Variants in ADAMTS16 observed in about 807,000 individuals in gnomAD.
The protein encoded by ADAMTS16 is A disintegrin and metalloproteinase with thrombospondin motifs 16.
ADAMTS16 carries 94 observed loss-of-function variants against 145.8 expected under a neutral mutation model. That is an observed-to-expected ratio of 0.64 (90% CI 0.55 to 0.77). The LOEUF (loss-of-function observed/expected upper bound fraction) is 0.77. ADAMTS16 is among the 30% of genes least tolerant of loss of function. ADAMTS16 has a pLI of 0.00. For synonymous variants in ADAMTS16, 659 were observed against 604.3 expected (o/e 1.09, Z -1.33); for missense variants, 1,585 against 1,591.5 (o/e 1.00, Z 0.07).
In ADAMTS16 at chr5:5,291,212, G is replaced by A. The variant is rs1040647577; in HGVS notation, c.2790-12056G>A. On this transcript the variant is annotated intron_variant, in intron 18 of 22. Transcript: ENST00000274181. ...GTCTCTGTGATTTTTTTTTTAATTCGTATTTACCAGTCAGGTCTTTGTTGA... is the reference window on the plus strand; with the variant it reads ...GTCTCTGTGATTTTTTTTTTAATTCATATTTACCAGTCAGGTCTTTGTTGA... Among the ~76,000 whole-genome samples, 6 of 151,402 alleles carry A rather than the reference G, an allele frequency of 4.0e-5. No individual in the cohort carries two copies. In the East Asian group the frequency reaches 5.8e-4, roughly 15 times the overall value.
At chr5:5,259,667 G>C (rs534963912) in intron 17 of ADAMTS16, among the ~76,000 whole-genome samples, 1 of 152,340 alleles carries the variant, frequency 6.6e-6, no homozygotes, top group African/African-American at 2.4e-5. Flanking sequence ...CATCAATTGA[G>C]TATTCATCTC....
At chr5:5,240,447 A>G (rs951070717) in intron 16 of ADAMTS16, among the ~76,000 whole-genome samples, 1 of 152,246 alleles carries the variant, frequency 6.6e-6, no homozygotes, top group African/African-American at 2.4e-5. Flanking sequence ...CTGTTTACTC[A>G]TGAATGCAGA....
At chr5:5,217,319 A>G (rs1736465112) in intron 10 of ADAMTS16, among the ~76,000 whole-genome samples, 1 of 151,988 alleles carries the variant, frequency 6.6e-6, no homozygotes, top group Non-Finnish European at 1.5e-5. Flanking sequence ...AAACACCAAA[A>G]GCAATGGCAA....
chr5:5,203,779 C>T (rs1246610977), intron 9 of ADAMTS16, among the ~76,000 whole-genome samples: 1 of 152,128 alleles, frequency 6.6e-6, no homozygotes, highest in Non-Finnish European at 1.5e-5. Context: ...TCATGCCCTG[C>T]AGATCAGTGA....
At chr5:5,183,224 G>A (rs1485250063) in intron 4 of ADAMTS16, among the ~76,000 whole-genome samples, 1 of 152,188 alleles carries the variant, frequency 6.6e-6, no homozygotes, top group Admixed American at 6.5e-5. Context: ...GAACTTAGTG[G>A]GCTCAGGTGC....
chr5:5,172,965 T>C (rs1735085891), intron 3 of ADAMTS16, among the ~76,000 whole-genome samples: 1 of 152,182 alleles, frequency 6.6e-6, no homozygotes, highest in Non-Finnish European at 1.5e-5. Flanking sequence ...CCCTCATCAA[T>C]ATATAATGAC....
intron 4 of ADAMTS16, among the ~76,000 whole-genome samples, chr5:5,183,066 G>T (rs1026569827): frequency 6.6e-6 from 1 of 152,180 alleles, no homozygotes; most frequent in Non-Finnish European, 1.5e-5. Flanking sequence ...CGTTGAATGA[G>T]TGAACGAACA....
At chr5:5,205,262 C>CA (rs1736066969) in intron 9 of ADAMTS16, among the ~76,000 whole-genome samples, 2 of 150,370 alleles carry the variant, frequency 1.3e-5, no homozygotes, top group Middle Eastern at 6.9e-3. Context: ...TTAATGGAAT[C>CA]CAAATTATTA....
At chr5:5,151,524 C>T (rs1397342807) in intron 3 of ADAMTS16, among the ~76,000 whole-genome samples, 1 of 152,104 alleles carries the variant, frequency 6.6e-6, no homozygotes, top group Non-Finnish European at 1.5e-5. Flanking sequence ...AGGTGTGAAC[C>T]ACTGTACCTG....
At chr5:5,299,363 C>T (rs1305918590) in intron 18 of ADAMTS16, among the ~76,000 whole-genome samples, 1 of 149,812 alleles carries the variant, frequency 6.7e-6, no homozygotes, top group Non-Finnish European at 1.5e-5. Flanking sequence ...CAGCTCGGGC[C>T]CAGACCAGGG....
chr5:5,279,422 A>G (rs1204686094), intron 18 of ADAMTS16, among the ~76,000 whole-genome samples: 5 of 151,362 alleles, frequency 3.3e-5, no homozygotes, highest in Admixed American at 1.3e-4. Context: ...TCTTTTTTTC[A>G]TTTTCCTCTC....
rs1735665996 is a variant in ADAMTS16, at chr5:5,191,692, A to G, written c.1215A>G (p.Ala405=). ...GATCTTTGTCCTTCACAGGATTTGC[A>G]CCCATAAGTGGAATGTGTAGTAAAT... ...KNEPCDTLGF[A]PISGMCSKYR... The change falls in exon 8 of 23, where the codon GCA becomes GCG. Residue 405 remains alanine (A), a synonymous_variant. Coordinates refer to ENST00000274181, the MANE Select transcript of ADAMTS16 (RefSeq NM_139056.4). The G allele has an allele frequency of 6.2e-7, 1 of 1,612,972 alleles. No individual in the cohort carries two copies. Among genetic ancestry groups the G allele is most frequent in the African/African-American group, 1.3e-5 (1 of 74,992 alleles).
At chr5:5,304,054 G>A (rs906375896) in intron 20 of ADAMTS16, among the ~76,000 whole-genome samples, 6 of 152,118 alleles carry the variant, frequency 3.9e-5, no homozygotes, top group African/African-American at 1.4e-4. Context: ...GAGAATAGGG[G>A]TTCACTCATC....
At chr5:5,259,128 A>T (rs987639241) in intron 17 of ADAMTS16, among the ~76,000 whole-genome samples, 12 of 152,050 alleles carry the variant, frequency 7.9e-5, no homozygotes, top group Admixed American at 2.0e-4. Context: ...GACAGCGATA[A>T]TTTTCTGGGA....
intron 3 of ADAMTS16, among the ~76,000 whole-genome samples, chr5:5,154,797 C>T (rs369928001): frequency 1.3e-5 from 2 of 152,216 alleles, no homozygotes; most frequent in East Asian, 3.9e-4. Context: ...AGAGTTCCAT[C>T]CTCAGCCTCA....
At chr5:5,245,662 C>T (rs2126398949) in intron 17 of ADAMTS16, among the ~76,000 whole-genome samples, 1 of 152,282 alleles carries the variant, frequency 6.6e-6, no homozygotes, top group Admixed American at 6.5e-5. Context: ...ATTTCTCCCA[C>T]CTCTTGCTTC....
intron 18 of ADAMTS16, among the ~76,000 whole-genome samples, chr5:5,300,390 T>TA (rs200613253): frequency 6.6e-5 from 10 of 151,362 alleles, no homozygotes; most frequent in East Asian, 1.9e-4. Context: ...AACATGGAAT[T>TA]AAAAAAAAAT....
chr5:5,316,911 C>A (rs1313573084), intron 21 of ADAMTS16, among the ~76,000 whole-genome samples: 1 of 152,200 alleles, frequency 6.6e-6, no homozygotes, highest in Non-Finnish European at 1.5e-5. Context: ...AGATATGCAC[C>A]AGTTTCCTTG....
chr5:5,192,253 C>A (rs1255585383), intron 8 of ADAMTS16, among the ~76,000 whole-genome samples: 3 of 152,158 alleles, frequency 2.0e-5, no homozygotes, highest in Non-Finnish European at 4.4e-5. Flanking sequence ...GGGTCTTTCT[C>A]CAACACTCCT....
Sources: gnomAD v4.1 joint callset for allele counts (sites outside exome capture counted in the v4.1 genomes callset) on GRCh38, gnomAD v4.1.1 for gene constraint, MANE v1.5 for transcripts, NCBI Gene and HGNC (gene_info 2026-07-23, HGNC 2026-07-21) for gene names.